Variants in CYRIB observed in about 807,000 individuals in gnomAD.
CYRIB encodes the protein CYFIP related Rac1 interactor B.
Under a neutral mutation model 44.2 loss-of-function variants are expected in CYRIB, and 8 were observed. That is an observed-to-expected ratio of 0.18 (90% CI 0.11 to 0.33). The LOEUF (loss-of-function observed/expected upper bound fraction) is 0.33, where lower values mean the gene tolerates loss of function less well. Among genes scored for constraint, CYRIB ranks in the 10% least tolerant of loss-of-function variants. The pLI is 1.00. For missense variants in CYRIB, 185 were observed against 382.8 expected (o/e 0.48, Z 4.31); for synonymous variants, 131 against 127.2 (o/e 1.03, Z -0.20).
At chr8:129,899,433 T>C (rs568715096) in intron 2 of CYRIB, among the ~76,000 whole-genome samples, 1 of 152,328 alleles carries the variant, frequency 6.6e-6, no homozygotes, top group South Asian at 2.1e-4. Flanking sequence ...GAGATCATTA[T>C]TAGGACCAAA....
chr8:129,899,330 GTTTGT>G (rs553185599), intron 2 of CYRIB, among the ~76,000 whole-genome samples: 13 of 152,200 alleles, frequency 8.5e-5, no homozygotes, highest in African/African-American at 2.2e-4. Context: ...GCAAAAGCTG[GTTTGT>G]TTTATTTTAA....
intron 1 of CYRIB, among the ~76,000 whole-genome samples, chr8:129,915,415 T>C (rs898877239): frequency 6.6e-6 from 1 of 152,138 alleles, no homozygotes. Flanking sequence ...AGTCCTCATA[T>C]ATAAGATTCT....
intron 2 of CYRIB, among the ~76,000 whole-genome samples, chr8:129,880,056 A>G (rs754538069): frequency 7.9e-5 from 12 of 152,214 alleles, no homozygotes; most frequent in Non-Finnish European, 1.5e-4. Context: ...TTAAAATAAA[A>G]TTATTACAGG....
chr8:129,993,193 C>T lies in CYRIB; in HGVS notation c.-295-22198G>A, dbSNP rs188195818. Reference sequence around the variant, plus strand: ...ATCACTTGAGGTCAGGAGTTCGAGACCAGCCTGGCAAACATAGTGAAACCC... The same window carrying T: ...ATCACTTGAGGTCAGGAGTTCGAGATCAGCCTGGCAAACATAGTGAAACCC... On this transcript the variant is annotated intron_variant, in intron 1 of 14. Coordinates refer to the CYRIB transcript ENST00000401979. Among the ~76,000 whole-genome samples, 301 of 151,826 alleles carry T rather than the reference C, an allele frequency of 2.0e-3. 1 individual carries two copies. The highest frequency in any genetic ancestry group is 6.8e-3 in the Middle Eastern group (2 of 292).
At chr8:129,857,985 T>C (rs531810495) in intron 5 of CYRIB, among the ~76,000 whole-genome samples, 1 of 152,352 alleles carries the variant, frequency 6.6e-6, no homozygotes, top group East Asian at 1.9e-4. Flanking sequence ...TGACCAGTAG[T>C]TGCAGAACTT....
At chr8:129,913,637 T>C (rs1346046557) in intron 1 of CYRIB, among the ~76,000 whole-genome samples, 1 of 152,226 alleles carries the variant, frequency 6.6e-6, no homozygotes, top group African/African-American at 2.4e-5. Context: ...GGACCAGTGC[T>C]GGTTTGCAAA....
intron 2 of CYRIB, among the ~76,000 whole-genome samples, chr8:129,889,001 G>A (rs962391664): frequency 1.3e-5 from 2 of 152,154 alleles, no homozygotes; most frequent in African/African-American, 2.4e-5. Flanking sequence ...GCTGAGGCAG[G>A]AGAACTGCTT....
chr8:129,860,258 T>C (rs147673149), intron 5 of CYRIB, among the ~76,000 whole-genome samples: 121 of 152,352 alleles, frequency 7.9e-4, no homozygotes, highest in African/African-American at 2.7e-3. Context: ...TTTACAATTA[T>C]TCTTTGTGTA....
chr8:129,964,931 T>C (rs966164457), intron 2 of CYRIB, among the ~76,000 whole-genome samples: 109 of 152,190 alleles, frequency 7.2e-4, no homozygotes, highest in African/African-American at 2.5e-3. Context: ...ACTGGGCAGC[T>C]CTGTAGTCCA....
At position 129,864,218 on chromosome 8, in the gene CYRIB, T is replaced by C. The variant is rs149436487; in HGVS notation, c.196-1884A>G. Among the ~76,000 whole-genome samples, 103 of 152,384 alleles carry C rather than the reference T, an allele frequency of 6.8e-4. 1 individual carries two copies. Among genetic ancestry groups the C allele is most frequent in the African/African-American group, 2.4e-3 (99 of 41,598 alleles). On this transcript the variant is annotated intron_variant, in intron 4 of 11. Coordinates refer to ENST00000519824, the Ensembl canonical transcript of CYRIB. ...AAGCCTGAAGTCAATCCTACTTATGTCATTAATCTAGAAATATTGTAACAT... is the reference window on the plus strand; with the variant it reads ...AAGCCTGAAGTCAATCCTACTTATGCCATTAATCTAGAAATATTGTAACAT...
intron 4 of CYRIB, among the ~76,000 whole-genome samples, chr8:129,865,687 A>G (rs1231217959): frequency 6.6e-6 from 1 of 152,234 alleles, no homozygotes; most frequent in African/African-American, 2.4e-5. Context: ...AGTTCACATA[A>G]AAGTTCCAAT....
intron 1 of CYRIB, among the ~76,000 whole-genome samples, chr8:129,983,065 T>TG (rs1183134639): frequency 6.6e-6 from 1 of 150,784 alleles, no homozygotes; most frequent in African/African-American, 2.4e-5. Context: ...TCCCAGCATT[T>TG]GGGGAGGCAG....
chr8:129,866,615 A>C (rs1488078970), intron 4 of CYRIB, among the ~76,000 whole-genome samples: 1 of 152,266 alleles, frequency 6.6e-6, no homozygotes, highest in Non-Finnish European at 1.5e-5. Flanking sequence ...GCAAATAGAC[A>C]AAAGTTAAAA....
At position 129,892,647 on chromosome 8, in the gene CYRIB, C is replaced by T. The variant is rs560749745; in HGVS notation, c.-11+10665G>A. Reference sequence around the variant, plus strand: ...AAAATTACACTAGGCTGATGTAAAACGCAAGAGCAATGGGCACAATTGGGT... The same window carrying T: ...AAAATTACACTAGGCTGATGTAAAATGCAAGAGCAATGGGCACAATTGGGT... On this transcript the variant is annotated intron_variant, in intron 2 of 11. Transcript: ENST00000519824. 4.6e-5 allele frequency among the ~76,000 whole-genome samples: 7 copies of T among 152,092 alleles called. No homozygotes were observed. The South Asian group carries it at 6.2e-4, about 14-fold the overall frequency.
chr8:129,921,063 G>C (rs944353725), intron 1 of CYRIB, among the ~76,000 whole-genome samples: 1 of 152,104 alleles, frequency 6.6e-6, no homozygotes, highest in Non-Finnish European at 1.5e-5. Context: ...ACTGATCACC[G>C]AAGTGAACAG....
At chr8:129,919,261 T>C (rs2082306891) in intron 1 of CYRIB, among the ~76,000 whole-genome samples, 1 of 152,220 alleles carries the variant, frequency 6.6e-6, no homozygotes, top group East Asian at 1.9e-4. Flanking sequence ...ATCTGATATG[T>C]GGTAACATAT....
In CYRIB at chr8:129,876,115, G is replaced by GAA. The variant is rs200991109; in HGVS notation, c.73+3272_73+3273dup. Among the ~76,000 whole-genome samples, 7 of 123,008 alleles carry GAA rather than the reference G, an allele frequency of 5.7e-5. 1 individual carries two copies. The South Asian group carries it at 7.8e-4, about 14-fold the overall frequency. 80.7% of individuals were successfully genotyped at this position (123,008 alleles called of 152,430 possible). ...GTGACGGAGTGAGACTCCATCTCAA[G>GAA]AAAAAAAAAAAAAGGTCTTCCATGA... On this transcript the variant is annotated intron_variant, in intron 3 of 11. Transcript: ENST00000519824.
At chr8:129,937,955 G>T (rs907978191) in intron 1 of CYRIB, among the ~76,000 whole-genome samples, 1 of 151,682 alleles carries the variant, frequency 6.6e-6, no homozygotes, top group Non-Finnish European at 1.5e-5. Flanking sequence ...ACCTAAGCGG[G>T]GACAAACAGC....
At chr8:129,849,462 T>C in intron 9 of CYRIB, 93 bp from the exon 12 acceptor site, 3 of 1,267,952 alleles carry the variant, frequency 2.4e-6, no homozygotes, top group Non-Finnish European at 3.2e-6. Flanking sequence ...CTGAAATATT[T>C]TATTCAAATT....
Sources: gnomAD v4.1 joint callset for allele counts (sites outside exome capture counted in the v4.1 genomes callset) on GRCh38, gnomAD v4.1.1 for gene constraint, MANE v1.5 for transcripts, NCBI Gene and HGNC (gene_info 2026-07-23, HGNC 2026-07-21) for gene names.